ARB2A: variants seen among roughly 807,000 people sequenced by gnomAD.
ARB2A encodes the protein ARB2 cotranscriptional regulator A, also known as cotranscriptional regulator ARB2A.
the ARB2A span, chr5:93,683,390 T>C: frequency 5.9e-5 from 95 of 1,602,924 alleles, no homozygotes; most frequent in Non-Finnish European, 7.8e-5. Context: ...TCCACTAATA[T>C]GCACTGGCCC....
At chr5:93,683,581 G>T in the ARB2A span, 1 of 1,453,352 alleles carries the variant, frequency 6.9e-7, no homozygotes, top group South Asian at 1.1e-5. Flanking sequence ...TAAACTGGCC[G>T]TTCTTAAGGA....
chr5:93,674,350 A>G, the ARB2A span, among the ~76,000 whole-genome samples: 12 of 152,318 alleles, frequency 7.9e-5, no homozygotes, highest in East Asian at 1.5e-3. Flanking sequence ...TTTATCTGAC[A>G]GCATCAGCTG....
chr5:94,073,092 G>C, the ARB2A span, among the ~76,000 whole-genome samples: 10 of 152,110 alleles, frequency 6.6e-5, no homozygotes, highest in East Asian at 1.7e-3. Flanking sequence ...ATCCTCTAAT[G>C]AACAGCAGAG....
the ARB2A span, chr5:93,958,845 T>G: frequency 8.7e-6 from 14 of 1,607,148 alleles, no homozygotes; most frequent in Non-Finnish European, 1.2e-5. Context: ...ATAAGTCTTC[T>G]AGCCCACTGC....
chr5:93,789,090 T>C, the ARB2A span, among the ~76,000 whole-genome samples: 13 of 152,198 alleles, frequency 8.5e-5, no homozygotes, highest in African/African-American at 2.7e-4. Context: ...TGTTTGGATA[T>C]ATCACATGTT....
At chr5:93,654,842 G>C in the ARB2A span, among the ~76,000 whole-genome samples, 1 of 152,144 alleles carries the variant, frequency 6.6e-6, no homozygotes, top group Non-Finnish European at 1.5e-5. Context: ...AAAAGATACT[G>C]CCGATTACTT....
chr5:93,986,433 TG>T, the ARB2A span, among the ~76,000 whole-genome samples: 12 of 140,798 alleles, frequency 8.5e-5, no homozygotes, highest in African/African-American at 2.9e-4. Context: ...CTGCCCCATC[TG>T]GGGGGTGGGG....
the ARB2A span, among the ~76,000 whole-genome samples, chr5:93,725,097 T>C: frequency 6.6e-6 from 1 of 152,022 alleles, no homozygotes; most frequent in African/African-American, 2.4e-5. Context: ...TTAAGAATTG[T>C]TTATTTCTGG....
At chr5:93,877,127 T>C in the ARB2A span, among the ~76,000 whole-genome samples, 123,613 of 152,122 alleles carry the variant, frequency 0.81, 50,620 homozygotes, top group East Asian at 0.95. Flanking sequence ...CCTCTATCCT[T>C]AGCATCTGTT....
the ARB2A span, among the ~76,000 whole-genome samples, chr5:93,832,451 T>A: frequency 6.6e-6 from 1 of 152,178 alleles, no homozygotes; most frequent in Non-Finnish European, 1.5e-5. Context: ...AGGGGTCATT[T>A]TCTACCACAG....
chr5:94,012,051 T>C, the ARB2A span, among the ~76,000 whole-genome samples: 2 of 151,124 alleles, frequency 1.3e-5, no homozygotes, highest in African/African-American at 4.9e-5. Flanking sequence ...AGATAACATA[T>C]TGAGAAGAAA....
At chr5:93,933,088 A>G in the ARB2A span, among the ~76,000 whole-genome samples, 1 of 152,258 alleles carries the variant, frequency 6.6e-6, no homozygotes, top group Non-Finnish European at 1.5e-5. Flanking sequence ...AATGCAAATC[A>G]AAACCACAAT....
At chr5:93,880,444 T>A in the ARB2A span, among the ~76,000 whole-genome samples, 1 of 151,770 alleles carries the variant, frequency 6.6e-6, no homozygotes, top group Non-Finnish European at 1.5e-5. Context: ...TTATTAATGA[T>A]CTTCTAAAGT....
chr5:94,069,808 G>C, the ARB2A span, among the ~76,000 whole-genome samples: 4 of 152,136 alleles, frequency 2.6e-5, no homozygotes, highest in Admixed American at 1.3e-4. Context: ...TGAGGCTGTA[G>C]AGAAAAGGGA....
At chr5:93,952,492 C>G in the ARB2A span, among the ~76,000 whole-genome samples, 5 of 152,188 alleles carry the variant, frequency 3.3e-5, no homozygotes, top group Non-Finnish European at 7.4e-5. Context: ...TATCATGCCA[C>G]TCTCCCCTGG....
chr5:93,795,170 G>A, the ARB2A span, among the ~76,000 whole-genome samples: 5 of 152,082 alleles, frequency 3.3e-5, no homozygotes, highest in African/African-American at 4.8e-5. Context: ...TCCAGTGAAG[G>A]AATATTCCCA....
the ARB2A span, among the ~76,000 whole-genome samples, chr5:93,697,597 C>T: frequency 1.3e-5 from 2 of 151,924 alleles, no homozygotes; most frequent in Non-Finnish European, 2.9e-5. Flanking sequence ...AACAACTAAC[C>T]ACCAAAGTGA....
chr5:93,828,821 C>T, the ARB2A span, among the ~76,000 whole-genome samples: 1 of 152,124 alleles, frequency 6.6e-6, no homozygotes, highest in Admixed American at 6.5e-5. Flanking sequence ...CTGTTGCCTG[C>T]ATAGGAGTGT....
At chr5:93,982,866 C>T in the ARB2A span, among the ~76,000 whole-genome samples, 1 of 152,130 alleles carries the variant, frequency 6.6e-6, no homozygotes, top group African/African-American at 2.4e-5. Context: ...ACCAGCCTAG[C>T]CAACATGGCG....
Sources: gnomAD v4.1 joint callset for allele counts (sites outside exome capture counted in the v4.1 genomes callset) on GRCh38, gnomAD v4.1.1 for gene constraint, MANE v1.5 for transcripts, NCBI Gene and HGNC (gene_info 2026-07-23, HGNC 2026-07-21) for gene names.